Variants in ARHGEF6 observed in about 807,000 individuals in gnomAD.
ARHGEF6 encodes the protein Rac/Cdc42 guanine nucleotide exchange factor 6, also known as rho guanine nucleotide exchange factor 6.
A neutral mutation model predicts 70.3 loss-of-function variants in ARHGEF6; 9 were observed. The ratio of observed to expected loss-of-function variants is 0.13; its 90% CI spans 0.08 to 0.22. The LOEUF (loss-of-function observed/expected upper bound fraction) is 0.22, where lower values mean the gene tolerates loss of function less well. Among genes scored for constraint, ARHGEF6 ranks in the 10% least tolerant of loss-of-function variants. The pLI is 1.00. For synonymous variants in ARHGEF6, 201 were observed against 207.8 expected, an observed-to-expected ratio of 0.97 and a Z score of 0.28; for missense variants, 470 against 563.0, an observed-to-expected ratio of 0.83 and a Z score of 1.67.
chrX:136,688,018 A>G, intron 10 of ARHGEF6, 27 bp from the exon 11 acceptor site: 1 of 1,128,271 alleles, frequency 8.9e-7, no homozygotes, highest in Non-Finnish European at 1.2e-6. Context: ...TTTGAAAACA[A>G]TGTTAGAGGA....
At chrX:136,727,325 TTTTC>T (rs745840487) in intron 6 of ARHGEF6, among the ~76,000 whole-genome samples, 3,280 of 59,333 alleles carry the variant, frequency 0.055, 117 homozygotes, top group Non-Finnish European at 0.087. Context: ...CTTTCTTTCT[TTTTC>T]TTTCTTTCTT....
At chrX:136,736,182 T>A (rs2076983556) in intron 5 of ARHGEF6, among the ~76,000 whole-genome samples, 1 of 112,029 alleles carries the variant, frequency 8.9e-6, no homozygotes, top group Non-Finnish European at 1.9e-5. Flanking sequence ...TTAAAAAGGA[T>A]ATAATTACCA....
chrX:136,705,927 G>A (rs2076622238), intron 9 of ARHGEF6, among the ~76,000 whole-genome samples: 1 of 112,243 alleles, frequency 8.9e-6, no homozygotes, highest in Non-Finnish European at 1.9e-5. Flanking sequence ...GCCTAGCTCT[G>A]GGAGCTCAAA....
chrX:136,678,413 G>T (rs2076300477), intron 16 of ARHGEF6, among the ~76,000 whole-genome samples: 1 of 111,988 alleles, frequency 8.9e-6, no homozygotes, highest in Admixed American at 9.4e-5. Flanking sequence ...CATAATCAAA[G>T]AAGAAAATTG....
At chrX:136,764,122 ATGGTTCTCAACTC>A (rs2148679169) in intron 2 of ARHGEF6, among the ~76,000 whole-genome samples, 1 of 110,418 alleles carries the variant, frequency 9.1e-6, no homozygotes, top group South Asian at 3.9e-4. Flanking sequence ...AACCAGGGAA[ATGGTTCTCAACTC>A]TGGATACACA....
intron 5 of ARHGEF6, among the ~76,000 whole-genome samples, chrX:136,740,185 T>C (rs1202546803): frequency 1.8e-5 from 2 of 110,727 alleles, no homozygotes; most frequent in East Asian, 5.7e-4. Context: ...ATTTTTGTAT[T>C]TTTAGTAGAG....
intron 7 of ARHGEF6, among the ~76,000 whole-genome samples, chrX:136,712,799 C>T (rs1434237228): frequency 8.9e-6 from 1 of 112,241 alleles, no homozygotes; most frequent in Admixed American, 9.4e-5. Context: ...TTATCATTCA[C>T]ATTTGCCTGG....
rs1057515778 is a variant in ARHGEF6 at position 136,667,904 on chromosome X, G to GGA, written c.*123_*124dup. On this transcript the variant is annotated 3_prime_UTR_variant, in exon 22 of 22. Transcript: ENST00000250617. ...GCGGGGAGAGAAAGAGAAGAGAGAG[G>GGA]GAGAGAGAGAGAGAGACTCAAACAC... The GGA allele has an allele frequency of 1.9e-4, 160 of 845,797 alleles. No homozygotes were observed. Among genetic ancestry groups the GGA allele is most frequent in the Non-Finnish European group, 2.4e-4 (140 of 585,743 alleles). 69.7% of individuals were successfully genotyped at this position (845,797 alleles called of 1,213,427 possible).
intron 17 of ARHGEF6, 81 bp downstream of exon 17, chrX:136,677,855 T>G (rs2076295609): frequency 3.5e-6 from 3 of 868,044 alleles, no homozygotes; most frequent in Non-Finnish European, 4.9e-6. Context: ...AAAACAAGCA[T>G]AAGGGAAAGC....
Position 136,677,917 on chromosome X carries a change from G to T in ARHGEF6, c.1851+19C>A, listed in dbSNP as rs781383556. On this transcript the variant is annotated intron_variant, in intron 17 of 21. Transcript: ENST00000250617. The stretch of plus-strand genomic sequence containing the variant: ...CATTATGATGTCACTGTAAGCCAAA[G>T]ATATTGTACTACCCTTACCTTTAAG... The T allele has an allele frequency of 1.5e-4, 181 of 1,183,431 alleles. No individual in the cohort carries two copies. Among genetic ancestry groups the T allele is most frequent in the Admixed American group, 9.0e-4 (41 of 45,499 alleles).
Position 136,769,650 on chromosome X carries a change from C to A in ARHGEF6, c.249+9764G>T, listed in dbSNP as rs771492185. On this transcript the variant is annotated intron_variant, in intron 2 of 21. Transcript: ENST00000250617. ...ACAATGCAATCAAAGAGGTACTACC[C>A]AGGCCATTCTTGACTGATCGGAAGA... 4.0e-3 allele frequency among the ~76,000 whole-genome samples: 440 copies of A among 111,353 alleles called. 1 individual carries two copies. The highest frequency in any genetic ancestry group is 6.6e-3 in the Non-Finnish European group (349 of 53,066).
intron 2 of ARHGEF6, among the ~76,000 whole-genome samples, chrX:136,750,479 T>G (rs1231772561): frequency 8.9e-6 from 1 of 111,971 alleles, no homozygotes; most frequent in Non-Finnish European, 1.9e-5. Flanking sequence ...AGCTGAACTT[T>G]CTTTATACCT....
intron 2 of ARHGEF6, among the ~76,000 whole-genome samples, chrX:136,759,966 G>A (rs776793138): frequency 8.9e-6 from 1 of 112,129 alleles, no homozygotes; most frequent in East Asian, 2.8e-4. Flanking sequence ...TGCTGTTTTG[G>A]ATGATCCACA....
chrX:136,766,351 G>A (rs1390771727), intron 2 of ARHGEF6, among the ~76,000 whole-genome samples: 2 of 107,254 alleles, frequency 1.9e-5, no homozygotes, highest in African/African-American at 6.8e-5. Context: ...ATACTTTACA[G>A]AGCATAAACT....
rs1259516866 is a variant in ARHGEF6, at chrX:136,780,741, G to C, written c.142C>G (p.Leu48Val). 2.5e-6 allele frequency: 3 copies of C among 1,211,201 alleles called. No individual in the cohort carries two copies. The highest frequency in any genetic ancestry group is 2.2e-6 in the Non-Finnish European group (2 of 895,096). ...ACCTTTTCCACAGAGCCAGGCATGAGTCTGTTGATCAGTTTGCACAGAACT... is the reference window on the plus strand; with the variant it reads ...ACCTTTTCCACAGAGCCAGGCATGACTCTGTTGATCAGTTTGCACAGAACT... ...GVVLCKLINR[L>V]MPGSVEKFCL... The change falls in exon 1 of 22, where the codon CTC (leucine) becomes GTC (valine). Residue 48 changes from leucine (L) to valine (V), a missense_variant. Physicochemically the swap from Leu to Val is conservative, Grantham distance 32 (BLOSUM62 1). Coordinates refer to ENST00000250617, the MANE Select transcript of ARHGEF6 (RefSeq NM_004840.3).
intron 12 of ARHGEF6, among the ~76,000 whole-genome samples, chrX:136,683,257 T>C (rs1469131288): frequency 1.8e-5 from 2 of 112,382 alleles, no homozygotes; most frequent in Non-Finnish European, 3.8e-5. Flanking sequence ...AGAGATTTAG[T>C]ATGCTCTAAC....
chrX:136,690,795 T>A, intron 9 of ARHGEF6, 47 bp from the exon 10 acceptor site: 1 of 1,153,057 alleles, frequency 8.7e-7, no homozygotes, highest in Non-Finnish European at 1.2e-6. Flanking sequence ...ATATCTCATG[T>A]AAAGAATTAT....
At chrX:136,743,295 T>C (rs1273642511) in intron 5 of ARHGEF6, among the ~76,000 whole-genome samples, 1 of 112,214 alleles carries the variant, frequency 8.9e-6, no homozygotes, top group African/African-American at 3.2e-5. Flanking sequence ...CTATATTACA[T>C]GGGCTAGAAT....
chrX:136,715,388 AG>A (rs1459712960), intron 6 of ARHGEF6, among the ~76,000 whole-genome samples: 1 of 111,511 alleles, frequency 9.0e-6, no homozygotes, highest in East Asian at 2.8e-4. Context: ...ATTTTAAAAA[AG>A]AAAAAAAAGA....
Sources: allele counts gnomAD v4.1 joint callset (sites outside exome capture counted in the v4.1 genomes callset), GRCh38; gene constraint gnomAD v4.1.1; transcripts MANE v1.5; gene names NCBI Gene and HGNC (gene_info 2026-07-23, HGNC 2026-07-21).